The following MNS1 variants were observed in gnomAD, a reference collection of about 807,000 sequenced individuals.
The protein encoded by MNS1 is meiosis specific nuclear structural 1.
MNS1 carries 63 observed loss-of-function variants against 72.0 expected under a neutral mutation model. That is an observed-to-expected ratio of 0.87 (90% CI 0.71 to 1.08). The LOEUF (loss-of-function observed/expected upper bound fraction) is 1.08. Ranked by LOEUF, MNS1 falls within the 50% of genes least tolerant of loss-of-function variation. MNS1 has a pLI of 0.00. For missense variants in MNS1, 604 were observed against 562.4 expected (o/e 1.07, Z -0.75); for synonymous variants, 188 against 172.1 (o/e 1.09, Z -0.72).
At chr15:56,458,819 G>C (rs1408916060) in intron 2 of MNS1, among the ~76,000 whole-genome samples, 1 of 152,072 alleles carries the variant, frequency 6.6e-6, no homozygotes, top group African/African-American at 2.4e-5. Flanking sequence ...ATATTCCATT[G>C]TCTGGATGTA....
intron 2 of MNS1, among the ~76,000 whole-genome samples, chr15:56,456,884 C>G (rs974001503): frequency 6.6e-6 from 1 of 151,982 alleles, no homozygotes; most frequent in Non-Finnish European, 1.5e-5. Flanking sequence ...TGTCACTTAC[C>G]ATGTAAATAA....
rs566821246 is a variant in MNS1 at position 56,440,762 on chromosome 15, A to G, written c.1011+2668T>C. ...CATTTATATAACATTCCTGAGGCAC[A>G]TACTTTTAAATTTATAATTAAAGGT... On this transcript the variant is annotated intron_variant, in intron 7 of 9. Coordinates refer to ENST00000260453, the MANE Select transcript of MNS1 (RefSeq NM_018365.4). 5.9e-5 allele frequency among the ~76,000 whole-genome samples: 9 copies of G among 152,338 alleles called. 1 individual carries two copies. The highest frequency in any genetic ancestry group is 2.2e-4 in the African/African-American group (9 of 41,590).
Position 56,441,464 on chromosome 15 carries a change from T to C in MNS1, c.1011+1966A>G, listed in dbSNP as rs1087838. Among the ~76,000 whole-genome samples the C allele has an allele frequency of 2.0e-5, 3 of 152,206 alleles. 1 individual carries two copies. Among genetic ancestry groups the C allele is most frequent in the Admixed American group, 6.5e-5 (1 of 15,290 alleles). The stretch of plus-strand genomic sequence containing the variant: ...ACCTAGTCTATAGATTAATGAGAAC[T>C]GTGCATTGAAATACCATTCTGGACA... On this transcript the variant is annotated intron_variant, in intron 7 of 9. Coordinates refer to ENST00000260453, the MANE Select transcript of MNS1 (RefSeq NM_018365.4).
At chr15:56,429,961 A>T (rs1380208388) in intron 9 of MNS1, 1 of 152,230 alleles carries the variant, frequency 6.6e-6, no homozygotes, top group African/African-American at 2.4e-5. Flanking sequence ...TATTAATTAC[A>T]TATGGATTTT....
chr15:56,429,627 C>G (rs1428197231), intron 9 of MNS1: 1 of 152,882 alleles, frequency 6.5e-6, no homozygotes, highest in Non-Finnish European at 1.5e-5. Flanking sequence ...GTCAATCTTG[C>G]AGAAAAGAAT....
chr15:56,432,122 G>A (rs1197487605), intron 8 of MNS1, among the ~76,000 whole-genome samples: 1 of 152,142 alleles, frequency 6.6e-6, no homozygotes, highest in African/African-American at 2.4e-5. Flanking sequence ...ATAAAGAGGA[G>A]ATACAGGAAA....
chr15:56,431,639 A>C (rs1452650653), intron 8 of MNS1, 141 bp from the exon 9 acceptor site: 1 of 586,766 alleles, frequency 1.7e-6, no homozygotes, highest in East Asian at 3.8e-5. Context: ...TAGATAATAT[A>C]TATTTTTAAA....
At chr15:56,461,372 C>G (rs2051019348) in intron 2 of MNS1, among the ~76,000 whole-genome samples, 2 of 152,030 alleles carry the variant, frequency 1.3e-5, no homozygotes, top group Non-Finnish European at 1.5e-5. Flanking sequence ...GTCAAAAGGA[C>G]ACAGAGGGCC....
intron 3 of MNS1, chr15:56,447,494 G>C (rs562093840): frequency 6.6e-6 from 1 of 151,808 alleles, no homozygotes; most frequent in East Asian, 1.9e-4. Context: ...GTTTTATTTT[G>C]GTAGTTTTAT....
intron 3 of MNS1, among the ~76,000 whole-genome samples, chr15:56,451,146 G>A (rs2050944439): frequency 6.6e-6 from 1 of 152,138 alleles, no homozygotes; most frequent in Admixed American, 6.5e-5. Flanking sequence ...GATACAATTT[G>A]TTCTTCTGGC....
At chr15:56,433,146 A>ATTTC (rs1434307771) in intron 8 of MNS1, among the ~76,000 whole-genome samples, 6 of 146,756 alleles carry the variant, frequency 4.1e-5, no homozygotes, top group African/African-American at 1.5e-4. Context: ...CTCAAAATCT[A>ATTTC]TTTCTTTTCC....
rs780833202 is a variant in MNS1, at chr15:56,442,020, CA to C, written c.1011+1409del. 4.6e-5 allele frequency among the ~76,000 whole-genome samples: 7 copies of C among 151,010 alleles called. No homozygotes were observed. The South Asian group carries it at 1.3e-3, about 27-fold the overall frequency. The stretch of plus-strand genomic sequence containing the variant: ...GGGCGACAGAGCGAGACTCCCATCT[CA>C]AAAAATAATAATAAAATAAAATAAA... On this transcript the variant is annotated intron_variant, in intron 7 of 9. Coordinates refer to ENST00000260453, the MANE Select transcript of MNS1 (RefSeq NM_018365.4).
chr15:56,461,683 C>G (rs1402045591), intron 2 of MNS1, among the ~76,000 whole-genome samples: 66 of 99,412 alleles, frequency 6.6e-4, no homozygotes, highest in African/African-American at 2.3e-3. Flanking sequence ...AAAAAAAAAA[C>G]GACACAGAGG....
intron 3 of MNS1, among the ~76,000 whole-genome samples, chr15:56,448,467 A>G (rs775160462): frequency 3.9e-5 from 6 of 152,142 alleles, no homozygotes; most frequent in Admixed American, 3.3e-4. Context: ...GCTCCCACCT[A>G]TAAGTGAGAA....
intron 7 of MNS1, among the ~76,000 whole-genome samples, chr15:56,441,942 C>G (rs2050821827): frequency 6.6e-6 from 1 of 151,972 alleles, no homozygotes; most frequent in African/African-American, 2.4e-5. Context: ...ATGGCGTGAA[C>G]CCGGGAGGCA....
At chr15:56,439,105 A>G (rs2050777262) in intron 7 of MNS1, among the ~76,000 whole-genome samples, 1 of 152,192 alleles carries the variant, frequency 6.6e-6, no homozygotes, top group Non-Finnish European at 1.5e-5. Flanking sequence ...GTGAGATACA[A>G]GATAAACACA....
At chr15:56,444,714 G>C (rs377218859) in intron 4 of MNS1, 41 bp from the exon 5 acceptor site, 6 of 1,483,534 alleles carry the variant, frequency 4.0e-6, no homozygotes, top group Non-Finnish European at 5.6e-6. Flanking sequence ...TTTCAAATTT[G>C]AACATAGTAC....
intron 9 of MNS1, chr15:56,429,481 A>AGGAAGGCACTTCATCTATACT: frequency 3.5e-6 from 1 of 289,296 alleles, no homozygotes; most frequent in Middle Eastern, 1.0e-3. Context: ...TTACCTAGAT[A>AGGAAGGCACTTCATCTATACT]GGAAGGCACT....
At chr15:56,432,851 T>C (rs2050634315) in intron 8 of MNS1, among the ~76,000 whole-genome samples, 1 of 152,186 alleles carries the variant, frequency 6.6e-6, no homozygotes. Flanking sequence ...TCCTACTTTG[T>C]ATAGTTTTAA....
Sources: gnomAD v4.1 joint callset for allele counts (sites outside exome capture counted in the v4.1 genomes callset) on GRCh38, gnomAD v4.1.1 for gene constraint, MANE v1.5 for transcripts, NCBI Gene and HGNC (gene_info 2026-07-23, HGNC 2026-07-21) for gene names.